TENM4: variants seen among roughly 807,000 people sequenced by gnomAD.
TENM4 encodes the protein teneurin-4.
Under a neutral mutation model 243.3 loss-of-function variants are expected in TENM4, and 82 were observed. The ratio of observed to expected loss-of-function variants is 0.34; its 90% CI spans 0.28 to 0.40. The LOEUF (loss-of-function observed/expected upper bound fraction) is 0.40, where lower values mean the gene tolerates loss of function less well. Among genes scored for constraint, TENM4 ranks in the 10% least tolerant of loss-of-function variants. TENM4 has a pLI of 1.00. For missense variants in TENM4, 3,138 were observed against 3,673.3 expected (o/e 0.85, Z 3.77); for synonymous variants, 1,412 against 1,456.3 (o/e 0.97, Z 0.69).
At chr11:78,873,710 A>G (rs1279638971) in intron 9 of TENM4, among the ~76,000 whole-genome samples, 3 of 152,214 alleles carry the variant, frequency 2.0e-5, no homozygotes, top group African/African-American at 7.2e-5. Context: ...TTTTCTGAAA[A>G]TAGACACTTG....
At chr11:78,867,485 G>T (rs1591083889) in intron 9 of TENM4, among the ~76,000 whole-genome samples, 1 of 152,158 alleles carries the variant, frequency 6.6e-6, no homozygotes, top group South Asian at 2.1e-4. Context: ...ATAGTTCTGG[G>T]TTATGGGAGA....
At chr11:79,045,555 G>T (rs978231457) in intron 6 of TENM4, among the ~76,000 whole-genome samples, 1 of 152,164 alleles carries the variant, frequency 6.6e-6, no homozygotes, top group Non-Finnish European at 1.5e-5. Context: ...TTACTGACAG[G>T]TCTGCAGTGG....
chr11:79,101,687 T>C (rs751375630), intron 4 of TENM4, among the ~76,000 whole-genome samples: 13 of 152,130 alleles, frequency 8.5e-5, no homozygotes, highest in Non-Finnish European at 1.8e-4. Flanking sequence ...CAAATGAGGG[T>C]GCTTTATAAA....
At chr11:79,037,523 T>A (rs1859418934) in intron 6 of TENM4, among the ~76,000 whole-genome samples, 1 of 152,206 alleles carries the variant, frequency 6.6e-6, no homozygotes, top group African/African-American at 2.4e-5. Flanking sequence ...TCCTTACAAT[T>A]TTCACAGTTA....
chr11:79,214,056 A>AT (rs925202737), intron 3 of TENM4, among the ~76,000 whole-genome samples: 10 of 151,812 alleles, frequency 6.6e-5, no homozygotes, highest in Non-Finnish European at 1.2e-4. Flanking sequence ...CAGTGGCACA[A>AT]TTTTGGCTCA....
chr11:79,275,070 T>C (rs1057345773), intron 2 of TENM4, among the ~76,000 whole-genome samples: 1 of 152,336 alleles, frequency 6.6e-6, no homozygotes, highest in African/African-American at 2.4e-5. Flanking sequence ...GATGTCTTTG[T>C]GGTCAGTAAA....
At chr11:78,886,040 G>A (rs1014315030) in intron 9 of TENM4, among the ~76,000 whole-genome samples, 3 of 152,158 alleles carry the variant, frequency 2.0e-5, no homozygotes, top group Non-Finnish European at 2.9e-5. Context: ...TCCACCCTCT[G>A]TTTCTGCCTC....
intron 6 of TENM4, among the ~76,000 whole-genome samples, chr11:78,962,575 G>A (rs989490460): frequency 6.6e-6 from 1 of 152,116 alleles, no homozygotes; most frequent in Non-Finnish European, 1.5e-5. Context: ...AGTGCAGGCT[G>A]GCAAAGAGGG....
At chr11:78,727,478 T>C (rs1422524908) in intron 22 of TENM4, among the ~76,000 whole-genome samples, 3 of 152,100 alleles carry the variant, frequency 2.0e-5, no homozygotes, top group Admixed American at 1.3e-4. Flanking sequence ...GAAAACTAGT[T>C]GTATTTGTTT....
chr11:79,184,023 G>A (rs1409475780), intron 3 of TENM4, among the ~76,000 whole-genome samples: 2 of 152,180 alleles, frequency 1.3e-5, no homozygotes, highest in African/African-American at 4.8e-5. Context: ...CAAAAGAACT[G>A]AGAGCAGGGA....
intron 3 of TENM4, among the ~76,000 whole-genome samples, chr11:79,185,434 G>C (rs1863364143): frequency 6.6e-6 from 1 of 152,210 alleles, no homozygotes; most frequent in South Asian, 2.1e-4. Flanking sequence ...AAAAGTGACA[G>C]ACTAGAAGAT....
intron 4 of TENM4, among the ~76,000 whole-genome samples, chr11:79,135,859 TA>T (rs1862100815): frequency 6.7e-6 from 1 of 149,944 alleles, no homozygotes; most frequent in African/African-American, 2.4e-5. Flanking sequence ...AACTCAGCAT[TA>T]AAAAAATGAA....
intron 19 of TENM4, among the ~76,000 whole-genome samples, chr11:78,754,026 C>T (rs929064740): frequency 2.6e-5 from 4 of 152,156 alleles, no homozygotes; most frequent in Admixed American, 6.6e-5. Flanking sequence ...TTCCTCCCTC[C>T]CTCAGTTCTT....
chr11:78,918,550 T>C (rs1210860505), intron 6 of TENM4, among the ~76,000 whole-genome samples: 12 of 152,130 alleles, frequency 7.9e-5, no homozygotes, highest in African/African-American at 2.2e-4. Flanking sequence ...CAAACAGTTA[T>C]ATTCATAACC....
intron 6 of TENM4, among the ~76,000 whole-genome samples, chr11:78,913,054 T>C (rs573107611): frequency 1.3e-5 from 2 of 152,310 alleles, no homozygotes; most frequent in East Asian, 3.9e-4. Flanking sequence ...AATCTAAGAC[T>C]ATATCATTCT....
At chr11:78,845,134 C>T (rs867642225) in intron 12 of TENM4, among the ~76,000 whole-genome samples, 1 of 152,202 alleles carries the variant, frequency 6.6e-6, no homozygotes, top group African/African-American at 2.4e-5. Context: ...GCCCAGGCCA[C>T]ATTATACTAG....
chr11:79,399,772 A>G (rs1407429192), intron 1 of TENM4, among the ~76,000 whole-genome samples: 3 of 152,168 alleles, frequency 2.0e-5, no homozygotes, highest in African/African-American at 7.2e-5. Flanking sequence ...AGATTGAATT[A>G]CTATGACCTT....
At chr11:79,234,909 T>C (rs563188514) in intron 2 of TENM4, among the ~76,000 whole-genome samples, 1 of 152,170 alleles carries the variant, frequency 6.6e-6, no homozygotes, top group South Asian at 2.1e-4. Context: ...AAGAAGAAAA[T>C]ATCTACTGAA....
intron 2 of TENM4, among the ~76,000 whole-genome samples, chr11:79,288,314 G>A (rs913001938): frequency 1.3e-5 from 2 of 152,226 alleles, no homozygotes; most frequent in African/African-American, 2.4e-5. Context: ...AAATGAAACA[G>A]TAAGCTAGTA....
Sources: gnomAD v4.1 joint callset for allele counts (sites outside exome capture counted in the v4.1 genomes callset) on GRCh38, gnomAD v4.1.1 for gene constraint, MANE v1.5 for transcripts, NCBI Gene and HGNC (gene_info 2026-07-23, HGNC 2026-07-21) for gene names.